The following KCNMB2 variants were observed in gnomAD, a reference collection of about 807,000 sequenced individuals.
KCNMB2 encodes the protein potassium calcium-activated channel subfamily M regulatory beta subunit 2.
Under a neutral mutation model 24.5 loss-of-function variants are expected in KCNMB2, and 9 were observed. The observed-to-expected ratio is 0.37, with a 90% confidence interval of 0.22 to 0.64. The LOEUF is 0.64. KCNMB2 is among the 30% of genes least tolerant of loss of function. The pLI is 0.63. For synonymous variants in KCNMB2, 109 were observed against 104.4 expected, an observed-to-expected ratio of 1.04 and a Z score of -0.27; for missense variants, 226 against 284.3, an observed-to-expected ratio of 0.79 and a Z score of 1.47.
Position 178,807,342 on chromosome 3 carries a change from G to A in KCNMB2, c.-67-1G>A. 1.5e-6 allele frequency: 2 copies of A among 1,300,494 alleles called. No homozygotes were observed. Among genetic ancestry groups the A allele is most frequent in the Non-Finnish European group, 2.2e-6 (2 of 900,116 alleles). The allele number at this position is 1,300,494 out of a possible 1,614,324, so 80.6% of individuals were successfully genotyped here. A position where few individuals can be genotyped will look rare whatever the true frequency, so the allele number is the denominator to read the frequency against. ...TTAACTTCATTGTGTACCTCTTCTA[G>A]GTCTTTTTGCCATTCCTCCAGGACA... On this transcript the variant is annotated splice_acceptor_variant, in intron 1 of 4. Coordinates refer to ENST00000452583, the MANE Select transcript of KCNMB2 (RefSeq NM_181361.3). LOFTEE classifies it low-confidence loss of function (5UTR_SPLICE).
At chr3:178,700,730 C>T (rs1722059891) in intron 1 of KCNMB2, among the ~76,000 whole-genome samples, 1 of 151,988 alleles carries the variant, frequency 6.6e-6, no homozygotes, top group African/African-American at 2.4e-5. Context: ...TTCCAGCTAA[C>T]TCATCCCCAA....
intron 1 of KCNMB2, among the ~76,000 whole-genome samples, chr3:178,629,194 C>A (rs916817884): frequency 6.6e-6 from 1 of 152,096 alleles, no homozygotes. Context: ...CCATATTAAG[C>A]GACTCATTGT....
At chr3:178,835,159 G>C (rs761593560) in intron 4 of KCNMB2, among the ~76,000 whole-genome samples, 4 of 151,486 alleles carry the variant, frequency 2.6e-5, no homozygotes, top group Non-Finnish European at 5.9e-5. Context: ...TGCCATAATA[G>C]ATATGAGATC....
intron 1 of KCNMB2, among the ~76,000 whole-genome samples, chr3:178,568,321 G>A (rs16829776): frequency 0.047 from 7,218 of 152,236 alleles, 583 homozygotes; most frequent in African/African-American, 0.17. Flanking sequence ...AATTGTTGAA[G>A]CTGGGCCAGC....
chr3:178,655,310 C>T (rs1577075822), intron 1 of KCNMB2, among the ~76,000 whole-genome samples: 1 of 152,024 alleles, frequency 6.6e-6, no homozygotes, highest in African/African-American at 2.4e-5. Flanking sequence ...AGAGTTTACC[C>T]AAATTCAGAT....
At chr3:178,604,660 A>G (rs1206140842) in intron 1 of KCNMB2, among the ~76,000 whole-genome samples, 2 of 152,186 alleles carry the variant, frequency 1.3e-5, no homozygotes, top group African/African-American at 2.4e-5. Flanking sequence ...ATCCAGAAAA[A>G]TCTCATTTTC....
At chr3:178,663,033 C>T (rs1720590035) in intron 1 of KCNMB2, among the ~76,000 whole-genome samples, 1 of 152,256 alleles carries the variant, frequency 6.6e-6, no homozygotes. Context: ...GATGGTTCAT[C>T]TCTGCTCCAC....
At chr3:178,827,992 T>C (rs1428709580) in intron 3 of KCNMB2, among the ~76,000 whole-genome samples, 186 bp from the exon 4 acceptor site, 1 of 152,216 alleles carries the variant, frequency 6.6e-6, no homozygotes, top group Non-Finnish European at 1.5e-5. Context: ...TCCACGTTTG[T>C]CTATGTTATA....
At position 178,758,038 on chromosome 3, in the gene KCNMB2, ATATC is replaced by A. The variant is rs1724230548; in HGVS notation, c.-67-49302_-67-49299del. Among the ~76,000 whole-genome samples, 2 of 1,892 alleles carry A rather than the reference ATATC, an allele frequency of 1.1e-3. 1 individual carries two copies. The highest frequency in any genetic ancestry group is 1.8e-3 in the African/African-American group (2 of 1,088). The allele number at this position is 1,892 out of a possible 152,430, so 1.2% of individuals were successfully genotyped here. A position where few individuals can be genotyped will look rare whatever the true frequency, so the allele number is the denominator to read the frequency against. ...ATATATATCTAGAGGATATATATAT[ATATC>A]TAGATATATATATATATCTCCAAGA... On this transcript the variant is annotated intron_variant, in intron 1 of 4. Transcript: ENST00000452583.
At chr3:178,570,986 G>C (rs1716758192) in intron 1 of KCNMB2, among the ~76,000 whole-genome samples, 1 of 152,098 alleles carries the variant, frequency 6.6e-6, no homozygotes, top group South Asian at 2.1e-4. Context: ...ACTTAAAGTG[G>C]TTTTCCCAAG....
At chr3:178,718,151 C>T (rs561134867) in intron 1 of KCNMB2, among the ~76,000 whole-genome samples, 19 of 152,320 alleles carry the variant, frequency 1.2e-4, no homozygotes, top group African/African-American at 4.3e-4. Context: ...TTTGTGTCAG[C>T]CACTCTGCAT....
At chr3:178,744,567 A>G (rs2108381073) in intron 1 of KCNMB2, among the ~76,000 whole-genome samples, 1 of 152,304 alleles carries the variant, frequency 6.6e-6, no homozygotes, top group Admixed American at 6.5e-5. Flanking sequence ...TTTCCATGGA[A>G]CAAAAATCTT....
intron 1 of KCNMB2, among the ~76,000 whole-genome samples, chr3:178,764,928 A>G (rs1011207143): frequency 6.6e-6 from 1 of 152,230 alleles, no homozygotes. Context: ...TAATACAAGT[A>G]AAGTATAATA....
At chr3:178,660,276 C>T (rs1720478858) in intron 1 of KCNMB2, among the ~76,000 whole-genome samples, 1 of 152,142 alleles carries the variant, frequency 6.6e-6, no homozygotes, top group Admixed American at 6.5e-5. Flanking sequence ...AATTACAGCA[C>T]CAGACAATGG....
chr3:178,649,880 G>A (rs1237117642), intron 1 of KCNMB2, among the ~76,000 whole-genome samples: 2 of 151,612 alleles, frequency 1.3e-5, no homozygotes, highest in Non-Finnish European at 2.9e-5. Flanking sequence ...CTTGTCTTCT[G>A]CTAGCTTTTA....
chr3:178,581,501 G>A (rs1449124234), intron 1 of KCNMB2, among the ~76,000 whole-genome samples: 1 of 152,126 alleles, frequency 6.6e-6, no homozygotes. Context: ...GGCAACAAAA[G>A]CCAAAATAGA....
At chr3:178,639,068 T>G (rs1028600484) in intron 1 of KCNMB2, among the ~76,000 whole-genome samples, 8 of 152,202 alleles carry the variant, frequency 5.3e-5, no homozygotes, top group African/African-American at 1.9e-4. Context: ...GAGTTACCCT[T>G]GAATAGATTT....
intron 1 of KCNMB2, among the ~76,000 whole-genome samples, chr3:178,741,138 C>T (rs1577140833): frequency 6.6e-6 from 1 of 152,172 alleles, no homozygotes; most frequent in East Asian, 1.9e-4. Flanking sequence ...GAGGTCTTGG[C>T]ATCTGTCACG....
At chr3:178,608,533 A>C (rs2108513664) in intron 1 of KCNMB2, among the ~76,000 whole-genome samples, 1 of 152,316 alleles carries the variant, frequency 6.6e-6, no homozygotes, top group South Asian at 2.1e-4. Flanking sequence ...TGAGTTACAA[A>C]CAATCCAATT....
Sources: gnomAD v4.1 joint callset for allele counts (sites outside exome capture counted in the v4.1 genomes callset) on GRCh38, gnomAD v4.1.1 for gene constraint, MANE v1.5 for transcripts, NCBI Gene and HGNC (gene_info 2026-07-23, HGNC 2026-07-21) for gene names.